Variants in RELN observed in about 807,000 individuals in gnomAD.
RELN encodes the protein reelin.
RELN carries 108 observed loss-of-function variants against 427.6 expected under a neutral mutation model. That is an observed-to-expected ratio of 0.25 (90% CI 0.22 to 0.30). The LOEUF (loss-of-function observed/expected upper bound fraction) is 0.30, where lower values mean the gene tolerates loss of function less well. Ranked by LOEUF, RELN falls within the 10% of genes least tolerant of loss-of-function variation. The pLI, the probability that RELN is intolerant of heterozygous loss-of-function variation, is 1.00. For missense variants in RELN, 3,715 were observed against 4,302.8 expected (o/e 0.86, Z 3.82); for synonymous variants, 1,524 against 1,513.4 (o/e 1.01, Z -0.16).
chr7:103,862,412 T>G (rs1880467), intron 2 of RELN, among the ~76,000 whole-genome samples: 7,058 of 41,318 alleles, frequency 0.17, 172 homozygotes, highest in East Asian at 0.36. Context: ...GCTTTTGTTC[T>G]ATCTATCTAT....
chr7:103,838,079 G>A lies in RELN; in HGVS notation c.338-4407C>T, dbSNP rs148446601. 3.3e-3 allele frequency among the ~76,000 whole-genome samples: 497 copies of A among 151,806 alleles called. 2 individuals are homozygous for A. The highest frequency in any genetic ancestry group is 0.011 in the African/African-American group (469 of 41,414). On this transcript the variant is annotated intron_variant, in intron 2 of 64. Coordinates refer to ENST00000428762, the MANE Select transcript of RELN (RefSeq NM_005045.4). ...AAAAAATTAGCTGGGTGTGGTGGTG[G>A]GCGCCTGTAGTCCCAGCTACTTGGG...
At chr7:103,489,225 T>TGTGTGTGTGTGTGTGTCC (rs1315911573) in intron 60 of RELN, among the ~76,000 whole-genome samples, 1 of 151,932 alleles carries the variant, frequency 6.6e-6, no homozygotes, top group African/African-American at 2.4e-5. Context: ...TGTGTGTGTG[T>TGTGTGTGTGTGTGTGTCC]GTGTCCGTGT....
chr7:103,966,610 G>A (rs1411084524), intron 1 of RELN, among the ~76,000 whole-genome samples: 3 of 152,172 alleles, frequency 2.0e-5, no homozygotes, highest in African/African-American at 7.2e-5. Flanking sequence ...AATCTATTGT[G>A]ATTCAGTTTA....
In RELN at chr7:103,603,210, C is replaced by T; in HGVS notation, c.3333+94G>A. On this transcript the variant is annotated intron_variant, in intron 24 of 64. Coordinates refer to ENST00000428762, the MANE Select transcript of RELN (RefSeq NM_005045.4). The surrounding 1 kb of genome is among the most constrained non-coding windows in gnomAD (Gnocchi z 4.3). ...ACTCAAAAGCGGGGAACGTGGGGAA[C>T]AATAGAACCACTTCATATTTGTACA... 1 of 1,053,882 alleles carries T rather than the reference C, an allele frequency of 9.5e-7. No homozygotes were observed. Among genetic ancestry groups the T allele is most frequent in the South Asian group, 1.3e-5 (1 of 78,914 alleles). 65.3% of individuals were successfully genotyped at this position (1,053,882 alleles called of 1,614,324 possible). A position where few individuals can be genotyped will look rare whatever the true frequency, so the allele number is the denominator to read the frequency against.
chr7:103,867,963 C>CT (rs1349859186), intron 2 of RELN, among the ~76,000 whole-genome samples: 1 of 152,012 alleles, frequency 6.6e-6, no homozygotes, highest in African/African-American at 2.4e-5. Context: ...TTTTCAAAGT[C>CT]TTTTTTCCTC....
At chr7:103,884,562 CA>C (rs1794681097) in intron 2 of RELN, among the ~76,000 whole-genome samples, 1 of 152,116 alleles carries the variant, frequency 6.6e-6, no homozygotes, top group Non-Finnish European at 1.5e-5. Context: ...CCAGAATCTA[CA>C]AAGAACTTAA....
At chr7:103,484,279 T>C (rs964871930) in intron 61 of RELN, 1 of 204,220 alleles carries the variant, frequency 4.9e-6, no homozygotes, top group Admixed American at 5.3e-5. Context: ...GTTCATAATA[T>C]AATAGAAACA....
chr7:103,903,356 G>A (rs1281413887), intron 2 of RELN, among the ~76,000 whole-genome samples: 2 of 151,622 alleles, frequency 1.3e-5, no homozygotes, highest in African/African-American at 4.8e-5. Flanking sequence ...TGAGGGATAA[G>A]GCTTCATTTA....
At chr7:103,790,531 G>A (rs1252594507) in intron 3 of RELN, among the ~76,000 whole-genome samples, 1 of 152,054 alleles carries the variant, frequency 6.6e-6, no homozygotes, top group Non-Finnish European at 1.5e-5. Context: ...TGAACTTCAT[G>A]TTTGTGTCCC....
At chr7:103,604,551 C>T (rs776537340) in intron 22 of RELN, 68 bp from the exon 23 acceptor site, 219 of 1,547,876 alleles carry the variant, frequency 1.4e-4, no homozygotes, top group Non-Finnish European at 1.8e-4. Context: ...CAAAGAATGT[C>T]AGAGTCCAAA....
chr7:103,607,237 A>G (rs1027855175), intron 22 of RELN, among the ~76,000 whole-genome samples: 1 of 152,198 alleles, frequency 6.6e-6, no homozygotes, highest in Non-Finnish European at 1.5e-5. Context: ...TAAAACTTAA[A>G]GTATAATAAT....
chr7:103,551,266 A>G lies in RELN; in HGVS notation c.6103T>C (p.Ser2035Pro), dbSNP rs764534818. The change falls in exon 41 of 65, where the codon TCC becomes CCC. Residue 2035 changes from serine to proline, a missense_variant. By Grantham distance (74) the Ser-to-Pro change is moderately conservative (BLOSUM62 -1). This residue lies in a region of RELN where 1,310 missense variants were observed against 1,643.0 expected (regional missense o/e 0.80). Coordinates refer to ENST00000428762, the MANE Select transcript of RELN (RefSeq NM_005045.4). ...INVGCSTDSS[S>P]ADPVRLEFSR... ...AATTCCAGTCTCACTGGATCCGCGG[A>G]TGAGCTATCAGTCGAACAGCCAACG... The G allele has an allele frequency of 1.2e-6, 2 of 1,613,948 alleles. No homozygotes were observed. Among genetic ancestry groups the G allele is most frequent in the East Asian group, 2.2e-5 (1 of 44,872 alleles).
intron 10 of RELN, among the ~76,000 whole-genome samples, chr7:103,690,717 A>T (rs1057055200): frequency 3.9e-5 from 6 of 152,122 alleles, no homozygotes; most frequent in African/African-American, 9.7e-5. Flanking sequence ...CTGGGAGATT[A>T]CGAATGAGGG....
At chr7:103,959,162 C>T (rs185590876) in intron 1 of RELN, among the ~76,000 whole-genome samples, 2 of 152,108 alleles carry the variant, frequency 1.3e-5, no homozygotes, top group African/African-American at 2.4e-5. Flanking sequence ...AGGCTGGTCT[C>T]GAATTCCTGA....
rs144249461 is a variant in RELN, at chr7:103,515,301, G to A, written c.8003C>T (p.Thr2668Ile). ...GCTGCTGAAGGTGTCCAGCATAACGGTCCTTTGGTCAGCAGAGCCTGAGAT... is the reference window on the plus strand; with the variant it reads ...GCTGCTGAAGGTGTCCAGCATAACGATCCTTTGGTCAGCAGAGCCTGAGAT... ...VLISGSADQR[T>I]VMLDTFSSAP... Residue 2668 changes from threonine to isoleucine, a missense_variant, in exon 50 of 65, where the codon ACC (threonine) becomes ATC (isoleucine). Around this residue, in one of 4 missense-constraint regions of RELN, gnomAD observed 1,310 missense variants for 1,643.0 expected, o/e 0.80. Transcript: ENST00000428762. 13 of 1,614,148 alleles carry A rather than the reference G, an allele frequency of 8.1e-6. No homozygotes were observed. The highest frequency in any genetic ancestry group is 1.0e-5 in the Non-Finnish European group (12 of 1,180,018).
At position 103,501,300 on chromosome 7, in the gene RELN, C is replaced by G. The variant is rs138717147; in HGVS notation, c.8490-378G>C. On this transcript the variant is annotated intron_variant, in intron 52 of 64. Transcript: ENST00000428762. The stretch of plus-strand genomic sequence containing the variant: ...CACTAATTGCATTTCTGAAATTGTA[C>G]AGAAGGTGAGTGACGCCTTTGACAA... Among the ~76,000 whole-genome samples, 4 of 152,280 alleles carry G rather than the reference C, an allele frequency of 2.6e-5. No homozygotes were observed. The East Asian group carries it at 7.7e-4, about 29-fold the overall frequency.
chr7:103,558,063 CAT>C lies in RELN; in HGVS notation c.5530-16_5530-15del. On this transcript the variant is annotated splice_polypyrimidine_tract_variant and intron_variant, in intron 36 of 64. Transcript: ENST00000428762. ...CCTTAGTCCTTCCTGAAAATAAAAA[CAT>C]ATACGTTAAGCAACTTTTTTTCACT... is the stretch of plus-strand genomic sequence containing the variant. 2 of 1,366,974 alleles carry C rather than the reference CAT, an allele frequency of 1.5e-6. No individual in the cohort carries two copies. The highest frequency in any genetic ancestry group is 2.1e-6 in the Non-Finnish European group (2 of 955,866). The allele number at this position is 1,366,974 out of a possible 1,614,324, so 84.7% of individuals were successfully genotyped here.
In RELN at chr7:103,626,207, C is replaced by CT. The variant is rs1832325660; in HGVS notation, c.2702+3732dup. Among the ~76,000 whole-genome samples the CT allele has an allele frequency of 6.6e-6, 1 of 152,058 alleles. No homozygotes were observed. Among genetic ancestry groups the CT allele is most frequent in the Non-Finnish European group, 1.5e-5 (1 of 67,972 alleles). ...TTCCTCTTTAGTTAAAATTATCTGG[C>CT]TTTAATTTTACAAGCTTCTAAGTGG... On this transcript the variant is annotated intron_variant, in intron 20 of 64. Coordinates refer to ENST00000428762, the MANE Select transcript of RELN (RefSeq NM_005045.4). The surrounding 1 kb of genome is among the most constrained non-coding windows in gnomAD (Gnocchi z 4.4).
chr7:103,913,309 A>G (rs568868027), intron 2 of RELN, among the ~76,000 whole-genome samples: 5 of 152,142 alleles, frequency 3.3e-5, no homozygotes, highest in African/African-American at 9.7e-5. Flanking sequence ...TAGGAAAAAA[A>G]CTTTCAGAAG....
Sources: gnomAD v4.1 joint callset for allele counts (sites outside exome capture counted in the v4.1 genomes callset) on GRCh38, gnomAD v4.1.1 for gene constraint, gnomAD v4.1.1 regional missense constraint, Gnocchi (gnomAD v3.1) non-coding constraint, MANE v1.5 for transcripts, NCBI Gene and HGNC (gene_info 2026-07-23, HGNC 2026-07-21) for gene names.